The following DNAH11 variants were observed in gnomAD, a reference collection of about 807,000 sequenced individuals.
DNAH11 encodes the protein axonemal beta dynein heavy chain 11.
DNAH11 carries 442 observed loss-of-function variants against 526.0 expected under a neutral mutation model. The ratio of observed to expected loss-of-function variants is 0.84; its 90% CI spans 0.78 to 0.91. The LOEUF (loss-of-function observed/expected upper bound fraction) is 0.91. Ranked by LOEUF, DNAH11 falls within the 40% of genes least tolerant of loss-of-function variation. The pLI is 0.00. For synonymous variants in DNAH11, 2,461 were observed against 1,935.9 expected, an observed-to-expected ratio of 1.27 and a Z score of -7.12; for missense variants, 6,989 against 5,448.7, an observed-to-expected ratio of 1.28 and a Z score of -8.90.
rs760996324 is a variant in DNAH11, at chr7:21,565,003, A to G, written c.1194+606A>G. On this transcript the variant is annotated intron_variant, in intron 6 of 81. Transcript: ENST00000409508. ...TCACAGTACCAGAGGGTATTACATA[A>G]TTTGAGAGGTAAAAGATACTTGGAT... Among the ~76,000 whole-genome samples the G allele has an allele frequency of 1.2e-4, 18 of 152,186 alleles. No homozygotes were observed. The East Asian group carries it at 3.5e-3, about 29-fold the overall frequency.
At chr7:21,623,101 T>G (rs910888505) in intron 25 of DNAH11, among the ~76,000 whole-genome samples, 1 of 151,010 alleles carries the variant, frequency 6.6e-6, no homozygotes, top group South Asian at 2.1e-4. Context: ...GAATCTACAA[T>G]GAACTCAAAC....
At chr7:21,543,667 C>T in intron 1 of DNAH11, 71 bp downstream of exon 1, 1 of 1,476,690 alleles carries the variant, frequency 6.8e-7, no homozygotes, top group Non-Finnish European at 9.1e-7. Flanking sequence ...CAGTCGCTCC[C>T]CTTTGGATTC....
intron 54 of DNAH11, among the ~76,000 whole-genome samples, chr7:21,753,086 A>C (rs904704871): frequency 1.3e-5 from 2 of 152,204 alleles, no homozygotes; most frequent in African/African-American, 4.8e-5. Context: ...CACAATAGCA[A>C]GTCCAGACTG....
chr7:21,671,622 G>A (rs10282475), intron 30 of DNAH11, among the ~76,000 whole-genome samples: 5,252 of 151,520 alleles, frequency 0.035, 294 homozygotes, highest in African/African-American at 0.12. Context: ...GACGTTATTG[G>A]TTTTCTCTAT....
chr7:21,836,133 C>G (rs1465389725), intron 65 of DNAH11, among the ~76,000 whole-genome samples: 1 of 152,022 alleles, frequency 6.6e-6, no homozygotes, highest in African/African-American at 2.4e-5. Flanking sequence ...ATTTCCTGTT[C>G]ATGGATTGAA....
At chr7:21,884,685 A>G (rs1233689110) in intron 76 of DNAH11, among the ~76,000 whole-genome samples, 1 of 152,168 alleles carries the variant, frequency 6.6e-6, no homozygotes, top group African/African-American at 2.4e-5. Flanking sequence ...TCGGCTCTTT[A>G]TAAAAACCCT....
At chr7:21,690,060 T>C (rs367904382) in intron 34 of DNAH11, among the ~76,000 whole-genome samples, 1 of 152,242 alleles carries the variant, frequency 6.6e-6, no homozygotes, top group Non-Finnish European at 1.5e-5. Context: ...ATAGCTAACA[T>C]CTCTTGAGTA....
chr7:21,727,029 G>A (rs1415261332), intron 45 of DNAH11, among the ~76,000 whole-genome samples: 1 of 125,282 alleles, frequency 8.0e-6, no homozygotes, highest in Admixed American at 9.8e-5. Flanking sequence ...CACCTCCGGG[G>A]TTCAAGTGAC....
At chr7:21,718,130 G>A (rs1442858411) in intron 43 of DNAH11, among the ~76,000 whole-genome samples, 1 of 143,474 alleles carries the variant, frequency 7.0e-6, no homozygotes, top group East Asian at 2.1e-4. Context: ...TAGTGTTTAA[G>A]TTTGTGCTCT....
chr7:21,770,673 A>G (rs137900303), intron 55 of DNAH11, among the ~76,000 whole-genome samples: 168 of 152,322 alleles, frequency 1.1e-3, no homozygotes, highest in African/African-American at 3.9e-3. Flanking sequence ...TGACTATTGC[A>G]TGAATGTTTG....
intron 63 of DNAH11, among the ~76,000 whole-genome samples, chr7:21,809,222 C>T (rs1156277296): frequency 2.0e-5 from 3 of 152,088 alleles, no homozygotes; most frequent in South Asian, 2.1e-4. Context: ...GTCCATTTTA[C>T]GATCAAGTTT....
At chr7:21,812,518 T>TAAAG (rs764796839) in intron 63 of DNAH11, among the ~76,000 whole-genome samples, 2 of 148,922 alleles carry the variant, frequency 1.3e-5, no homozygotes, top group East Asian at 3.9e-4. Context: ...AAAAAAAATT[T>TAAAG]TTTTTAAACC....
chr7:21,900,059 AAAGG>A lies in DNAH11; in HGVS notation c.13246_13249del (p.Glu4416IlefsTer69). ...TGACTGCTGATGTTACCAAAAAAAC[AAAGG>A]AAGATTATGGACACCCGCCAAGGGA... On this transcript the variant is annotated frameshift_variant, in exon 81 of 82. Transcript: ENST00000409508. LOFTEE classifies it high-confidence loss of function. The A allele has an allele frequency of 6.2e-7, 1 of 1,613,972 alleles. No homozygotes were observed. The highest frequency in any genetic ancestry group is 8.5e-7 in the Non-Finnish European group (1 of 1,179,856).
intron 75 of DNAH11, among the ~76,000 whole-genome samples, chr7:21,883,770 C>A (rs756835225): frequency 7.9e-5 from 12 of 152,146 alleles, no homozygotes; most frequent in Non-Finnish European, 1.8e-4. Flanking sequence ...CTGGGCATGG[C>A]AGCTCAAGCC....
intron 28 of DNAH11, among the ~76,000 whole-genome samples, chr7:21,642,877 C>G (rs1173211474): frequency 6.6e-6 from 1 of 152,090 alleles, no homozygotes. Flanking sequence ...GTTGGAATGA[C>G]AGAGTGATAA....
At chr7:21,811,514 G>A (rs1421717532) in intron 63 of DNAH11, among the ~76,000 whole-genome samples, 1 of 152,028 alleles carries the variant, frequency 6.6e-6, no homozygotes, top group Non-Finnish European at 1.5e-5. Flanking sequence ...GGGACCTAGA[G>A]CATTCACATT....
intron 63 of DNAH11, among the ~76,000 whole-genome samples, chr7:21,815,928 C>G (rs765794306): frequency 6.6e-6 from 1 of 152,074 alleles, no homozygotes; most frequent in Non-Finnish European, 1.5e-5. Flanking sequence ...TTCCTCTCAG[C>G]CTAGAAGTGA....
chr7:21,613,519 AAATG>A (rs149097467), intron 20 of DNAH11, among the ~76,000 whole-genome samples: 25,203 of 152,150 alleles, frequency 0.17, 2,146 homozygotes, highest in African/African-American at 0.21. Context: ...TAACTTGTAA[AAATG>A]AAAGCAGGAT....
At chr7:21,623,495 G>T (rs1057322733) in intron 25 of DNAH11, among the ~76,000 whole-genome samples, 6 of 152,170 alleles carry the variant, frequency 3.9e-5, no homozygotes, top group African/African-American at 1.4e-4. Flanking sequence ...AAATCATGCT[G>T]CTATAAAGAC....
Sources: gnomAD v4.1 joint callset for allele counts (sites outside exome capture counted in the v4.1 genomes callset) on GRCh38, gnomAD v4.1.1 for gene constraint, MANE v1.5 for transcripts, NCBI Gene and HGNC (gene_info 2026-07-23, HGNC 2026-07-21) for gene names.